STIM1: variants seen among roughly 807,000 people sequenced by gnomAD.
STIM1 encodes the protein stromal interaction molecule 1.
A neutral mutation model predicts 74.7 loss-of-function variants in STIM1; 25 were observed. The ratio of observed to expected loss-of-function variants is 0.33; its 90% CI spans 0.24 to 0.47. The LOEUF (loss-of-function observed/expected upper bound fraction) is 0.47, where lower values mean the gene tolerates loss of function less well. Among genes scored for constraint, STIM1 ranks in the 20% least tolerant of loss-of-function variants. The probability of loss-of-function intolerance (pLI) is 1.00; values close to 1 mark genes in which losing one functional copy is unlikely to be tolerated. For missense variants in STIM1, 728 were observed against 920.8 expected (o/e 0.79, Z 2.71); for synonymous variants, 328 against 348.8 (o/e 0.94, Z 0.66).
intron 2 of STIM1, chr11:3,973,826 G>T: frequency 2.6e-6 from 1 of 378,150 alleles, no homozygotes; most frequent in Non-Finnish European, 4.9e-6. Context: ...CGATCTTCCT[G>T]TCTCAGCCTC....
At chr11:3,929,728 C>A (rs1319363301) in intron 1 of STIM1, among the ~76,000 whole-genome samples, 1 of 152,154 alleles carries the variant, frequency 6.6e-6, no homozygotes, top group Non-Finnish European at 1.5e-5. Flanking sequence ...TACCGCTGAT[C>A]GCTTTGCTTT....
chr11:3,875,206 T>A (rs1281873411), intron 1 of STIM1, among the ~76,000 whole-genome samples: 1 of 152,166 alleles, frequency 6.6e-6, no homozygotes, highest in Non-Finnish European at 1.5e-5. Flanking sequence ...AACCTTGCAT[T>A]TGGGGCTTAT....
At chr11:4,056,778 T>G (rs1217185987) in intron 4 of STIM1, among the ~76,000 whole-genome samples, 1 of 152,228 alleles carries the variant, frequency 6.6e-6, no homozygotes, top group Non-Finnish European at 1.5e-5. Context: ...TAGAGTGCTT[T>G]CCTACATATT....
intron 1 of STIM1, among the ~76,000 whole-genome samples, chr11:3,895,632 T>TTC (rs1170182404): frequency 1.3e-3 from 8 of 6,350 alleles, no homozygotes; most frequent in African/African-American, 2.4e-3. Flanking sequence ...CTTTCTTTCT[T>TTC]TCTTTCTTTC....
At chr11:3,916,956 G>A (rs1225216022) in intron 1 of STIM1, among the ~76,000 whole-genome samples, 1 of 152,208 alleles carries the variant, frequency 6.6e-6, no homozygotes, top group Non-Finnish European at 1.5e-5. Context: ...TTTAGTGGCT[G>A]TTGGCTGAAG....
intron 3 of STIM1, among the ~76,000 whole-genome samples, chr11:4,029,048 TGTG>T (rs1423852057): frequency 6.6e-6 from 1 of 151,582 alleles, no homozygotes; most frequent in Non-Finnish European, 1.5e-5. Flanking sequence ...ATTAGCCAGG[TGTG>T]GTGGTGGGCA....
chr11:4,088,521 G>A (rs1285726183), intron 12 of STIM1: 1 of 588,764 alleles, frequency 1.7e-6, no homozygotes, highest in East Asian at 3.0e-5. Context: ...AAAAGCCTAG[G>A]AAGGGAGACT....
At chr11:4,082,484 T>C (rs1414479546) in intron 8 of STIM1, 133 bp downstream of exon 8, 1 of 992,074 alleles carries the variant, frequency 1.0e-6, no homozygotes, top group Non-Finnish European at 1.5e-6. Flanking sequence ...GGGTTCTGTT[T>C]CTTTCCTAAT....
At chr11:3,892,767 T>C in intron 1 of STIM1, 1 of 1,613,254 alleles carries the variant, frequency 6.2e-7, no homozygotes, top group Non-Finnish European at 8.5e-7. Flanking sequence ...TTCTCTCCAG[T>C]GCTCAGAGCA....
Position 4,083,678 on chromosome 11 carries a change from GTGTTCTTTCCT to G in STIM1, c.1474+185_1474+195del, listed in dbSNP as rs1328726939. The G allele has an allele frequency of 1.4e-5, 9 of 658,872 alleles. No homozygotes were observed. In the East Asian group the frequency reaches 2.5e-4, roughly 18 times the overall value. The allele number at this position is 658,872 out of a possible 1,614,324, so 40.8% of individuals were successfully genotyped here. ...TTATTTCTTTATAGTTGTCCTTTTG[GTGTTCTTTCCT>G]TGTTGTATGCTCTGTGTGCCCCTTT... On this transcript the variant is annotated intron_variant, in intron 10 of 12. Coordinates refer to ENST00000526596, the MANE Select transcript of STIM1 (RefSeq NM_001382567.1).
intron 1 of STIM1, among the ~76,000 whole-genome samples, chr11:3,905,312 G>C (rs1381976475): frequency 6.6e-6 from 1 of 151,928 alleles, no homozygotes; most frequent in Non-Finnish European, 1.5e-5. Flanking sequence ...TAGTTGCGAG[G>C]GAAGGAAGGA....
intron 1 of STIM1, among the ~76,000 whole-genome samples, chr11:3,912,511 C>T (rs2092581534): frequency 6.6e-6 from 1 of 151,440 alleles, no homozygotes; most frequent in Non-Finnish European, 1.5e-5. Flanking sequence ...ATTACAGGTA[C>T]CCACCATGAT....
intron 3 of STIM1, among the ~76,000 whole-genome samples, chr11:4,033,345 T>C (rs1476244976): frequency 6.6e-6 from 1 of 152,218 alleles, no homozygotes; most frequent in Non-Finnish European, 1.5e-5. Flanking sequence ...ATGCGGGCTC[T>C]TTTTTGGTTC....
At chr11:4,048,399 C>G (rs1012570439) in intron 3 of STIM1, among the ~76,000 whole-genome samples, 30 of 152,154 alleles carry the variant, frequency 2.0e-4, no homozygotes, top group Non-Finnish European at 3.7e-4. Context: ...TAAACAAAAA[C>G]AGATTTATAC....
intron 1 of STIM1, among the ~76,000 whole-genome samples, chr11:3,949,015 T>C (rs1472596085): frequency 6.6e-6 from 1 of 152,246 alleles, no homozygotes; most frequent in Admixed American, 6.5e-5. Flanking sequence ...TATTAACTCA[T>C]TTAATTCTCA....
At chr11:3,866,670 C>T (rs2090871892) in intron 1 of STIM1, among the ~76,000 whole-genome samples, 1 of 152,014 alleles carries the variant, frequency 6.6e-6, no homozygotes, top group South Asian at 2.1e-4. Flanking sequence ...TGCGATCCGC[C>T]TGCCTCGGCC....
chr11:3,858,841 A>G (rs979636186), intron 1 of STIM1, among the ~76,000 whole-genome samples: 1 of 152,234 alleles, frequency 6.6e-6, no homozygotes, highest in African/African-American at 2.4e-5. Flanking sequence ...GTTACAATGC[A>G]GGGCAAGTGG....
At chr11:4,033,391 A>G (rs905817119) in intron 3 of STIM1, among the ~76,000 whole-genome samples, 1 of 152,198 alleles carries the variant, frequency 6.6e-6, no homozygotes, top group Non-Finnish European at 1.5e-5. Flanking sequence ...CTAAAAATGT[A>G]TATTCTATGA....
chr11:4,082,825 C>T, intron 8 of STIM1, 57 bp from the exon 9 acceptor site: 1 of 1,464,184 alleles, frequency 6.8e-7, no homozygotes, highest in East Asian at 2.3e-5. Context: ...AGGCCTTTCT[C>T]ATTTATTCCA....
Sources: gnomAD v4.1 joint callset for allele counts (sites outside exome capture counted in the v4.1 genomes callset) on GRCh38, gnomAD v4.1.1 for gene constraint, MANE v1.5 for transcripts, NCBI Gene and HGNC (gene_info 2026-07-23, HGNC 2026-07-21) for gene names.